DIP2B: variants seen among roughly 807,000 people sequenced by gnomAD.
DIP2B encodes the protein DIP2 acetate--CoA ligase B (putative), also known as disco-interacting protein 2 homolog B.
Under a neutral mutation model 198.0 loss-of-function variants are expected in DIP2B, and 76 were observed. The ratio of observed to expected loss-of-function variants is 0.38; its 90% CI spans 0.32 to 0.46. DIP2B has a LOEUF of 0.46. Among genes scored for constraint, DIP2B ranks in the 20% least tolerant of loss-of-function variants. The probability of loss-of-function intolerance (pLI) is 0.99; values close to 1 mark genes in which losing one functional copy is unlikely to be tolerated. For synonymous variants in DIP2B, 701 were observed against 739.1 expected, an observed-to-expected ratio of 0.95 and a Z score of 0.84; for missense variants, 1,559 against 1,978.4, an observed-to-expected ratio of 0.79 and a Z score of 4.02.
intron 3 of DIP2B, among the ~76,000 whole-genome samples, chr12:50,641,410 C>A (rs1186890668): frequency 1.3e-5 from 2 of 152,030 alleles, no homozygotes; most frequent in Non-Finnish European, 2.9e-5. Context: ...AAGAAGAGAA[C>A]CAGACAAGCA....
At chr12:50,566,936 C>T (rs1347917815) in intron 1 of DIP2B, among the ~76,000 whole-genome samples, 2 of 138,216 alleles carry the variant, frequency 1.4e-5, no homozygotes, top group Non-Finnish European at 3.0e-5. Flanking sequence ...CGCGCCACTG[C>T]ACTCCAGCCT....
rs539262861 is a variant in DIP2B at position 50,647,251 on chromosome 12, TGTTGCCTAAGCTGGA to T, written c.301+6403_301+6417del. Among the ~76,000 whole-genome samples the T allele has an allele frequency of 3.2e-3, 489 of 152,142 alleles. 2 individuals are homozygous for T. The highest frequency in any genetic ancestry group is 0.011 in the African/African-American group (470 of 41,518). On this transcript the variant is annotated intron_variant, in intron 3 of 37. Coordinates refer to ENST00000301180, the MANE Select transcript of DIP2B (RefSeq NM_173602.3). Reference sequence around the variant, plus strand: ...TTTTTGTGGAGACAGGGTTTCACCATGTTGCCTAAGCTGGAGTTTTTCTCCCCCCCGCCCAAAACA... The same window carrying T: ...TTTTTGTGGAGACAGGGTTTCACCATGTTTTTCTCCCCCCCGCCCAAAACA...
At chr12:50,661,124 G>A (rs545241361) in intron 4 of DIP2B, among the ~76,000 whole-genome samples, 28 of 151,484 alleles carry the variant, frequency 1.8e-4, no homozygotes, top group Non-Finnish European at 2.8e-4. Flanking sequence ...GTGGAAGCTC[G>A]AAAAAAATTT....
At chr12:50,549,169 T>TTAAA (rs1958403239) in intron 1 of DIP2B, among the ~76,000 whole-genome samples, 2 of 148,398 alleles carry the variant, frequency 1.3e-5, no homozygotes, top group Non-Finnish European at 3.0e-5. Context: ...GGGGGCTGGT[T>TTAAA]TAAAAAAAAA....
intron 1 of DIP2B, among the ~76,000 whole-genome samples, chr12:50,562,503 G>A (rs1565825372): frequency 6.6e-6 from 1 of 152,038 alleles, no homozygotes; most frequent in Non-Finnish European, 1.5e-5. Context: ...GGGAAACCGA[G>A]GGCAGTGGAT....
At chr12:50,639,312 TC>T (rs1938213701) in intron 2 of DIP2B, among the ~76,000 whole-genome samples, 1 of 152,042 alleles carries the variant, frequency 6.6e-6, no homozygotes, top group African/African-American at 2.4e-5. Flanking sequence ...GTGGTTGTCT[TC>T]CCCCTCACCT....
chr12:50,704,259 C>T (rs1939474332), intron 20 of DIP2B, 39 bp downstream of exon 20: 2 of 1,586,420 alleles, frequency 1.3e-6, no homozygotes, highest in African/African-American at 1.4e-5. Flanking sequence ...TACATTTGAT[C>T]CAAATATTTG....
chr12:50,505,457 G>C (rs746163086), intron 1 of DIP2B, among the ~76,000 whole-genome samples: 4 of 152,178 alleles, frequency 2.6e-5, no homozygotes, highest in African/African-American at 4.8e-5. Flanking sequence ...ACTAAGTAAG[G>C]GCTTGTGGAA....
chr12:50,530,975 A>G lies in DIP2B; in HGVS notation c.100+25735A>G, dbSNP rs191192276. On this transcript the variant is annotated intron_variant, in intron 1 of 37. Coordinates refer to ENST00000301180, the MANE Select transcript of DIP2B (RefSeq NM_173602.3). ...CTGTAGAAAGGCCTGTCCTGAAGAT[A>G]TACATTCAGTATTCCTTAGCATGTA... Among the ~76,000 whole-genome samples the G allele has an allele frequency of 2.3e-3, 355 of 152,310 alleles. 2 individuals are homozygous for G. The highest frequency in any genetic ancestry group is 3.1e-3 in the Non-Finnish European group (210 of 68,036).
intron 22 of DIP2B, 77 bp from the exon 23 acceptor site, chr12:50,714,318 A>T (rs756315151): frequency 6.4e-7 from 1 of 1,557,928 alleles, no homozygotes; most frequent in Non-Finnish European, 8.8e-7. Context: ...TGTAGCGTAA[A>T]ATAATGGATT....
chr12:50,528,927 A>C (rs7307815), intron 1 of DIP2B, among the ~76,000 whole-genome samples: 41,704 of 152,074 alleles, frequency 0.27, 6,431 homozygotes, highest in Non-Finnish European at 0.35. Flanking sequence ...TGTGATTATG[A>C]ACTTGGTGAG....
In DIP2B at chr12:50,640,761, G is replaced by C. The variant is rs778649676; in HGVS notation, c.210G>C (p.Gln70His). The part of the protein sequence containing the change: ...DSAVQKELRN[Q>H]TPAPSAAQTS... ...CAGTACAGAAAGAACTTAGAAACCA[G>C]ACACCTGCTCCATCTGCAGCTCAAA... The change falls in exon 3 of 38, where the codon CAG becomes CAC. Residue 70 changes from glutamine to histidine, a missense_variant. Coordinates refer to ENST00000301180, the MANE Select transcript of DIP2B (RefSeq NM_173602.3). 6.2e-7 allele frequency: 1 copy of C among 1,613,866 alleles called. No homozygotes were observed. The highest frequency in any genetic ancestry group is 8.5e-7 in the Non-Finnish European group (1 of 1,179,874).
chr12:50,670,494 A>G (rs913227693), intron 4 of DIP2B, among the ~76,000 whole-genome samples: 5 of 151,872 alleles, frequency 3.3e-5, no homozygotes, highest in Non-Finnish European at 5.9e-5. Context: ...TGGCTCACCG[A>G]AACCTCTGCC....
chr12:50,572,015 A>T (rs1958619426), intron 1 of DIP2B, among the ~76,000 whole-genome samples: 1 of 152,212 alleles, frequency 6.6e-6, no homozygotes, highest in Admixed American at 6.5e-5. Flanking sequence ...AGCATTGCCG[A>T]AGCCTTCTCT....
Position 50,714,593 on chromosome 12 carries a change from C to T in DIP2B, c.2848C>T (p.Pro950Ser). 6.2e-7 allele frequency: 1 copy of T among 1,614,022 alleles called. No homozygotes were observed. The highest frequency in any genetic ancestry group is 1.7e-5 in the Admixed American group (1 of 60,018). ...CTTGCCAAAGCCCCGGCAAAAACAA[C>T]CAGGTAATATGCTGGCTTCCAAGAC... ...TNLPKPRQKQ[P>S]GVGPASVMVG... The change falls in exon 23 of 38, where the codon CCA becomes TCA. Residue 950 changes from proline (P) to serine (S), a missense_variant. Pro to Ser is a moderately conservative substitution (Grantham distance 74). Transcript: ENST00000301180.
chr12:50,646,051 A>C (rs1284569956), intron 3 of DIP2B, among the ~76,000 whole-genome samples: 1 of 152,084 alleles, frequency 6.6e-6, no homozygotes, highest in Non-Finnish European at 1.5e-5. Flanking sequence ...AGTAAAATAA[A>C]ATTTATGTGT....
At chr12:50,577,088 G>A (rs1160105284) in intron 1 of DIP2B, among the ~76,000 whole-genome samples, 3 of 152,118 alleles carry the variant, frequency 2.0e-5, no homozygotes, top group African/African-American at 7.2e-5. Context: ...ACAGGCGTGA[G>A]CCACCATGCC....
intron 1 of DIP2B, among the ~76,000 whole-genome samples, chr12:50,528,494 A>G (rs1249903236): frequency 3.3e-5 from 5 of 152,108 alleles, no homozygotes; most frequent in Middle Eastern, 3.4e-3. Flanking sequence ...AGGAAGCAGT[A>G]TAAGTCTATT....
chr12:50,621,764 C>T (rs1467094096), intron 1 of DIP2B, among the ~76,000 whole-genome samples: 2 of 152,142 alleles, frequency 1.3e-5, no homozygotes, highest in Non-Finnish European at 2.9e-5. Flanking sequence ...AGTCAGAAAA[C>T]GGGGAGGGGG....
Sources: gnomAD v4.1 joint callset for allele counts (sites outside exome capture counted in the v4.1 genomes callset) on GRCh38, gnomAD v4.1.1 for gene constraint, MANE v1.5 for transcripts, NCBI Gene and HGNC (gene_info 2026-07-23, HGNC 2026-07-21) for gene names.